CDH13: variants seen among roughly 807,000 people sequenced by gnomAD.
CDH13 encodes cadherin-13.
In CDH13, 24 loss-of-function variants were observed where a neutral mutation model predicts 63.8. The ratio of observed to expected loss-of-function variants is 0.38; its 90% CI spans 0.27 to 0.53. The LOEUF is 0.53. Among genes scored for constraint, CDH13 ranks in the 20% least tolerant of loss-of-function variants. CDH13 has a pLI of 0.85. For missense variants in CDH13, 1,049 were observed against 903.1 expected (o/e 1.16, Z -2.07); for synonymous variants, 503 against 355.3 (o/e 1.42, Z -4.67).
intron 1 of CDH13, among the ~76,000 whole-genome samples, chr16:82,735,663 G>T (rs537927872): frequency 1.3e-5 from 2 of 152,304 alleles, no homozygotes; most frequent in Non-Finnish European, 2.9e-5. Flanking sequence ...GGGTGAAATG[G>T]AAGGTTTAAA....
chr16:83,710,456 T>C (rs440585), intron 10 of CDH13: 42,749 of 152,060 alleles, frequency 0.28, 6,422 homozygotes, highest in Middle Eastern at 0.46. Context: ...GAACTTGGGC[T>C]ATAGCATTGC....
At chr16:83,786,240 C>G (rs1254301970) in intron 13 of CDH13, among the ~76,000 whole-genome samples, 1 of 152,178 alleles carries the variant, frequency 6.6e-6, no homozygotes, top group African/African-American at 2.4e-5. Flanking sequence ...AGTTAACTGA[C>G]ACTAAATTTG....
At chr16:82,961,662 A>G (rs923653553) in intron 2 of CDH13, among the ~76,000 whole-genome samples, 3 of 151,836 alleles carry the variant, frequency 2.0e-5, no homozygotes, top group South Asian at 2.1e-4. Flanking sequence ...CTTTGCTCTC[A>G]GTATTTTTCA....
intron 10 of CDH13, among the ~76,000 whole-genome samples, chr16:83,724,237 G>GAT (rs1910084510): frequency 4.4e-5 from 5 of 114,776 alleles, no homozygotes; most frequent in Non-Finnish European, 8.3e-5. Flanking sequence ...GGATGAATGT[G>GAT]GAATGCATGG....
intron 2 of CDH13, among the ~76,000 whole-genome samples, chr16:82,965,742 C>G (rs1307830418): frequency 6.6e-6 from 1 of 152,302 alleles, no homozygotes; most frequent in South Asian, 2.1e-4. Flanking sequence ...ATCTGCCAGC[C>G]TCAGTCTCCC....
intron 1 of CDH13, among the ~76,000 whole-genome samples, chr16:82,730,694 A>G (rs1162774096): frequency 6.6e-6 from 1 of 152,230 alleles, no homozygotes; most frequent in Non-Finnish European, 1.5e-5. Flanking sequence ...CAGGGTTGCC[A>G]GAAACCTTCA....
chr16:82,987,139 T>C (rs1911044545), intron 2 of CDH13, among the ~76,000 whole-genome samples: 2 of 152,188 alleles, frequency 1.3e-5, no homozygotes, highest in African/African-American at 4.8e-5. Flanking sequence ...CTTGCCGTTT[T>C]CCCAGAAGTA....
intron 2 of CDH13, among the ~76,000 whole-genome samples, chr16:82,917,160 G>T (rs1337077674): frequency 6.6e-6 from 1 of 152,178 alleles, no homozygotes; most frequent in Non-Finnish European, 1.5e-5. Context: ...ATGAAAGGAA[G>T]ACGCTTACAA....
intron 1 of CDH13, among the ~76,000 whole-genome samples, chr16:82,708,083 G>A (rs1277335257): frequency 1.3e-5 from 2 of 152,208 alleles, no homozygotes; most frequent in African/African-American, 2.4e-5. Flanking sequence ...CATGGTTGAA[G>A]GTGGCTCATG....
chr16:82,943,110 A>G (rs1367783962), intron 2 of CDH13, among the ~76,000 whole-genome samples: 1 of 152,212 alleles, frequency 6.6e-6, no homozygotes, highest in Non-Finnish European at 1.5e-5. Flanking sequence ...GGAATCGTAT[A>G]CATTTAATTA....
intron 5 of CDH13, among the ~76,000 whole-genome samples, chr16:83,239,865 G>A (rs575892728): frequency 6.6e-6 from 1 of 152,158 alleles, no homozygotes; most frequent in Non-Finnish European, 1.5e-5. Context: ...GGGAATTTGT[G>A]GGGGGCAGGG....
intron 1 of CDH13, among the ~76,000 whole-genome samples, chr16:82,666,384 G>A (rs963743123): frequency 6.6e-6 from 1 of 152,194 alleles, no homozygotes; most frequent in African/African-American, 2.4e-5. Flanking sequence ...CATGGACAAT[G>A]AGGCCACCAT....
intron 1 of CDH13, among the ~76,000 whole-genome samples, chr16:82,732,784 G>T (rs1280789178): frequency 6.6e-6 from 1 of 152,152 alleles, no homozygotes; most frequent in East Asian, 1.9e-4. Context: ...GAACACTGAG[G>T]ATCTGTTTAG....
At chr16:83,701,420 C>T (rs1276319233) in intron 10 of CDH13, among the ~76,000 whole-genome samples, 2 of 152,174 alleles carry the variant, frequency 1.3e-5, no homozygotes, top group Admixed American at 6.5e-5. Context: ...ATGCGGTGCA[C>T]TCTGTGTGCC....
intron 6 of CDH13, among the ~76,000 whole-genome samples, chr16:83,417,723 G>C (rs532704274): frequency 2.6e-5 from 4 of 152,334 alleles, no homozygotes; most frequent in African/African-American, 9.6e-5. Context: ...ACAGGCTGTA[G>C]AGATAGAATT....
chr16:82,853,775 A>C (rs753443167), intron 1 of CDH13, among the ~76,000 whole-genome samples: 10 of 152,216 alleles, frequency 6.6e-5, no homozygotes, highest in African/African-American at 9.6e-5. Context: ...ACTGATGCAT[A>C]AATGGACAAA....
chr16:83,284,165 TGTTA>T (rs1249341143), intron 5 of CDH13, among the ~76,000 whole-genome samples: 7 of 152,282 alleles, frequency 4.6e-5, no homozygotes, highest in South Asian at 4.1e-4. Context: ...TTCATGAAGT[TGTTA>T]GTTCTGGGGA....
chr16:82,691,130 A>G (rs1428573574), intron 1 of CDH13, among the ~76,000 whole-genome samples: 1 of 152,206 alleles, frequency 6.6e-6, no homozygotes, highest in Non-Finnish European at 1.5e-5. Context: ...CAGAGATATA[A>G]CAATCAGCCA....
intron 3 of CDH13, among the ~76,000 whole-genome samples, chr16:83,051,010 A>G (rs538964727): frequency 6.6e-6 from 1 of 152,282 alleles, no homozygotes; most frequent in South Asian, 2.1e-4. Flanking sequence ...TGGTTTGAAC[A>G]TCATTTCCTC....
Sources: gnomAD v4.1 joint callset for allele counts (sites outside exome capture counted in the v4.1 genomes callset) on GRCh38, gnomAD v4.1.1 for gene constraint, MANE v1.5 for transcripts, NCBI Gene and HGNC (gene_info 2026-07-23, HGNC 2026-07-21) for gene names.